The following RFT1 variants were observed in gnomAD, a reference collection of about 807,000 sequenced individuals.
The protein encoded by RFT1 is RFT1 glycolipid translocator homolog.
In RFT1, 43 loss-of-function variants were observed where a neutral mutation model predicts 62.2. That is an observed-to-expected ratio of 0.69 (90% CI 0.54 to 0.89). The LOEUF (loss-of-function observed/expected upper bound fraction) is 0.89, where lower values mean the gene tolerates loss of function less well. RFT1 is among the 40% of genes least tolerant of loss of function. The pLI, the probability that RFT1 is intolerant of heterozygous loss-of-function variation, is 0.00. For missense variants in RFT1, 605 were observed against 649.9 expected (o/e 0.93, Z 0.75); for synonymous variants, 262 against 264.6 (o/e 0.99, Z 0.10).
At chr3:53,124,078 C>A (rs1309267749) in intron 2 of RFT1, among the ~76,000 whole-genome samples, 1 of 152,200 alleles carries the variant, frequency 6.6e-6, no homozygotes, top group East Asian at 1.9e-4. Flanking sequence ...AGGATAGAAA[C>A]TGCTGCAGTG....
chr3:53,101,693 T>C (rs930294482), intron 10 of RFT1, among the ~76,000 whole-genome samples: 6 of 152,154 alleles, frequency 3.9e-5, no homozygotes, highest in African/African-American at 9.7e-5. Context: ...TGAGTTAAAA[T>C]GAGGTCATTA....
In RFT1 at chr3:53,102,286, C is replaced by T. The variant is rs1188622653; in HGVS notation, c.1102+1667G>A. 2.0e-5 allele frequency among the ~76,000 whole-genome samples: 3 copies of T among 152,230 alleles called. No homozygotes were observed. The South Asian group carries it at 6.2e-4, about 31-fold the overall frequency. ...GCCCTGGCCATAGCTTCATTGTGCA[C>T]TTCTGGCCTCCAGAACTGACGGACA... On this transcript the variant is annotated intron_variant, in intron 10 of 12. Transcript: ENST00000296292.
chr3:53,077,586 T>C, the RFT1 span: 2 of 152,216 alleles, frequency 1.3e-5, no homozygotes, highest in Non-Finnish European at 2.9e-5. Flanking sequence ...TTCCCTAGCT[T>C]CCCATCCAGC....
chr3:53,075,342 C>G, the RFT1 span, among the ~76,000 whole-genome samples: 1 of 152,244 alleles, frequency 6.6e-6, no homozygotes, highest in African/African-American at 2.4e-5. Context: ...CCAGACACCT[C>G]TGACACCCAT....
chr3:53,086,603 A>T (rs532983411), downstream of RFT1, among the ~76,000 whole-genome samples: 1 of 152,222 alleles, frequency 6.6e-6, no homozygotes, highest in South Asian at 2.1e-4. Context: ...GGCGGGAGCC[A>T]CCGCGCCCGG....
intron 11 of RFT1, among the ~76,000 whole-genome samples, chr3:53,094,562 G>A (rs939453181): frequency 6.6e-6 from 1 of 151,972 alleles, no homozygotes; most frequent in Non-Finnish European, 1.5e-5. Context: ...GTCAACTTCA[G>A]AACAAGCCAC....
At chr3:53,097,346 G>A (rs1701172599) in intron 11 of RFT1, among the ~76,000 whole-genome samples, 1 of 152,150 alleles carries the variant, frequency 6.6e-6, no homozygotes, top group South Asian at 2.1e-4. Context: ...GAACTATTGT[G>A]TTTTATACAT....
At chr3:53,087,053 C>A (rs1261446432), downstream of RFT1, among the ~76,000 whole-genome samples, 1 of 152,178 alleles carries the variant, frequency 6.6e-6, no homozygotes, top group African/African-American at 2.4e-5. Flanking sequence ...GCCTGGCCAA[C>A]ATGGTGAAAC....
At chr3:53,092,212 C>G in intron 12 of RFT1, 142 bp from the exon 13 acceptor site, 1 of 1,391,526 alleles carries the variant, frequency 7.2e-7, no homozygotes. Context: ...ATTGTTTCCC[C>G]ATTGGCAACA....
In RFT1 at chr3:53,121,866, T is replaced by C. The variant is rs189914243; in HGVS notation, c.457-66A>G. 829 of 1,351,686 alleles carry C rather than the reference T, an allele frequency of 6.1e-4. 2 individuals carry two copies. Among genetic ancestry groups the C allele is most frequent in the Non-Finnish European group, 4.6e-4 (448 of 965,042 alleles). 83.7% of individuals were successfully genotyped at this position (1,351,686 alleles called of 1,614,324 possible). A position where few individuals can be genotyped will look rare whatever the true frequency, so the allele number is the denominator to read the frequency against. ...AAAAAGTCAAGATGTAATGGAATGA[T>C]AGACAGAAAATCTAGGGCAGTGGTC... On this transcript the variant is annotated intron_variant, in intron 4 of 12. Transcript: ENST00000296292.
chr3:53,119,278 C>A (rs140650940), intron 6 of RFT1, among the ~76,000 whole-genome samples: 2 of 152,090 alleles, frequency 1.3e-5, no homozygotes, highest in African/African-American at 4.8e-5. Context: ...TGCTAGAAGT[C>A]AACTGAGGAA....
intron 11 of RFT1, among the ~76,000 whole-genome samples, chr3:53,098,686 C>T (rs951050538): frequency 6.6e-6 from 1 of 151,162 alleles, no homozygotes; most frequent in South Asian, 2.1e-4. Context: ...CCTGTAGTCC[C>T]AGCTACCTGG....
chr3:53,084,440 G>A (rs894139618), downstream of RFT1, among the ~76,000 whole-genome samples: 2 of 152,204 alleles, frequency 1.3e-5, no homozygotes, highest in African/African-American at 2.4e-5. Flanking sequence ...ACATGGCCAC[G>A]TGGAAGCCGC....
At chr3:53,119,768 T>C in intron 6 of RFT1, 116 bp downstream of exon 6, 2 of 1,019,918 alleles carry the variant, frequency 2.0e-6, no homozygotes, top group South Asian at 3.1e-5. Context: ...ACTCCATAAA[T>C]ATGAGCTATA....
chr3:53,097,661 A>G (rs1231873154), intron 11 of RFT1, among the ~76,000 whole-genome samples: 1 of 152,222 alleles, frequency 6.6e-6, no homozygotes, highest in African/African-American at 2.4e-5. Flanking sequence ...TCACCCCTTC[A>G]ACACTAACAC....
Position 53,123,766 on chromosome 3 carries a change from G to A in RFT1, c.224C>T (p.Thr75Ile), listed in dbSNP as rs1702032211. ...AFRRACLSGG[T>I]QRDWSQTLNL... ...GAGGGTCTGGCTCCAGTCTCGCTGG[G>A]TGCCCCCACTGAGACATGCTCTGCG... The change falls in exon 3 of 13, where the codon ACC becomes ATC. Residue 75 changes from threonine (T) to isoleucine (I), a missense_variant. Thr to Ile is a moderately conservative substitution (Grantham distance 89). Transcript: ENST00000296292. 6.2e-7 allele frequency: 1 copy of A among 1,614,184 alleles called. No homozygotes were observed. Among genetic ancestry groups the A allele is most frequent in the Non-Finnish European group, 8.5e-7 (1 of 1,180,010 alleles).
rs779780383 is a variant in RFT1 at position 53,105,685 on chromosome 3, T to C, written c.945A>G (p.Thr315=). 1.7e-5 allele frequency: 28 copies of C among 1,613,694 alleles called. No homozygotes were observed. In the East Asian group the frequency reaches 5.8e-4, roughly 33 times the overall value. ...AKVLERGKDA[T]LQKQEDVAVA... Reference sequence around the variant, plus strand: ...GAACCAACATTACCTGCTTCTGAAGTGTGGCATCCTTTCCCCTCTCCAGCA... The same window carrying C: ...GAACCAACATTACCTGCTTCTGAAGCGTGGCATCCTTTCCCCTCTCCAGCA... The change falls in exon 9 of 13, where the codon ACA becomes ACG. Residue 315 remains threonine, a synonymous_variant. Transcript: ENST00000296292.
chr3:53,066,952 T>C, the RFT1 span, among the ~76,000 whole-genome samples: 1 of 152,200 alleles, frequency 6.6e-6, no homozygotes, highest in Non-Finnish European at 1.5e-5. Context: ...GTGTGGCCTA[T>C]CCATCCATAC....
chr3:53,115,235 T>C (rs1007175611), intron 6 of RFT1, among the ~76,000 whole-genome samples: 1 of 152,214 alleles, frequency 6.6e-6, no homozygotes, highest in African/African-American at 2.4e-5. Context: ...CCTTGAATTA[T>C]TAGTGTAAAT....
Sources: allele counts gnomAD v4.1 joint callset (sites outside exome capture counted in the v4.1 genomes callset), GRCh38; gene constraint gnomAD v4.1.1; transcripts MANE v1.5; gene names NCBI Gene and HGNC (gene_info 2026-07-23, HGNC 2026-07-21).